NPSR1: variants seen among roughly 807,000 people sequenced by gnomAD.
The protein encoded by NPSR1 is neuropeptide S receptor 1, also known as neuropeptide S receptor.
NPSR1 carries 48 observed loss-of-function variants against 46.9 expected under a neutral mutation model. The observed-to-expected ratio is 1.02, with a 90% CI of 0.81 to 1.30. The LOEUF is 1.30. Among genes scored for constraint, NPSR1 ranks in the 50% most tolerant of loss-of-function variants. The pLI, the probability that NPSR1 is intolerant of heterozygous loss-of-function variation, is 0.00. For missense variants in NPSR1, 450 were observed against 449.5 expected (o/e 1.00, Z -0.01); for synonymous variants, 176 against 168.1 (o/e 1.05, Z -0.36).
intron 1 of NPSR1, among the ~76,000 whole-genome samples, chr7:34,667,922 C>T (rs1258335543): frequency 6.6e-6 from 1 of 151,946 alleles, no homozygotes; most frequent in Non-Finnish European, 1.5e-5. Flanking sequence ...CAAAAAAAAC[C>T]ATTCTAAGTA....
intron 3 of NPSR1, among the ~76,000 whole-genome samples, chr7:34,801,760 GA>G (rs1433876988): frequency 1.3e-5 from 2 of 148,694 alleles, no homozygotes; most frequent in African/African-American, 5.2e-5. Context: ...ATTCAATTAG[GA>G]AAAGAGGAAG....
chr7:34,660,484 C>T (rs757956734), intron 1 of NPSR1, among the ~76,000 whole-genome samples: 2 of 152,176 alleles, frequency 1.3e-5, no homozygotes, highest in Non-Finnish European at 2.9e-5. Context: ...ATCTGACATA[C>T]TTCTAGAGAA....
chr7:34,865,804 T>C (rs1791300802), intron 8 of NPSR1, among the ~76,000 whole-genome samples: 1 of 151,580 alleles, frequency 6.6e-6, no homozygotes, highest in Non-Finnish European at 1.5e-5. Flanking sequence ...TTGACCTCTC[T>C]CCCCACCTGC....
chr7:34,796,103 T>C (rs559972646), intron 3 of NPSR1, among the ~76,000 whole-genome samples: 39 of 152,142 alleles, frequency 2.6e-4, no homozygotes, highest in Non-Finnish European at 4.6e-4. Context: ...GGCAAAAATA[T>C]AGTCAACCAA....
intron 2 of NPSR1, among the ~76,000 whole-genome samples, chr7:34,738,149 G>T (rs962797815): frequency 6.6e-6 from 1 of 152,162 alleles, no homozygotes; most frequent in East Asian, 1.9e-4. Context: ...TCAAATCAAA[G>T]CATCTTGAAC....
At chr7:34,794,455 A>G (rs900309795) in intron 3 of NPSR1, among the ~76,000 whole-genome samples, 2 of 152,190 alleles carry the variant, frequency 1.3e-5, no homozygotes, top group African/African-American at 4.8e-5. Context: ...AGATGGACCA[A>G]TTCCTTGAAA....
intron 4 of NPSR1, among the ~76,000 whole-genome samples, chr7:34,822,521 G>C (rs1001916193): frequency 1.1e-4 from 17 of 152,216 alleles, no homozygotes; most frequent in African/African-American, 4.1e-4. Context: ...AAATGAATAT[G>C]AGAATAATTA....
At chr7:34,834,161 C>T in intron 5 of NPSR1, 1 of 552,388 alleles carries the variant, frequency 1.8e-6, no homozygotes, top group South Asian at 2.6e-5. Flanking sequence ...ATAACTTTAC[C>T]AGGTCTTAGC....
At chr7:34,728,349 G>C (rs1487971655) in intron 2 of NPSR1, among the ~76,000 whole-genome samples, 1 of 152,164 alleles carries the variant, frequency 6.6e-6, no homozygotes, top group Non-Finnish European at 1.5e-5. Flanking sequence ...CTGGGCCAAG[G>C]AGGCATGCTG....
chr7:34,768,070 A>G (rs1786513822), intron 2 of NPSR1, among the ~76,000 whole-genome samples: 1 of 152,168 alleles, frequency 6.6e-6, no homozygotes, highest in Non-Finnish European at 1.5e-5. Flanking sequence ...TTATACTCTG[A>G]TAACTATATG....
At chr7:34,695,253 T>G (rs946107399) in intron 2 of NPSR1, among the ~76,000 whole-genome samples, 2 of 152,128 alleles carry the variant, frequency 1.3e-5, no homozygotes, top group Admixed American at 1.3e-4. Context: ...CTGGGAAAAT[T>G]GGCTAGCCAT....
chr7:34,756,756 T>C (rs1046364947), intron 2 of NPSR1, among the ~76,000 whole-genome samples: 1 of 152,226 alleles, frequency 6.6e-6, no homozygotes, highest in African/African-American at 2.4e-5. Flanking sequence ...CGACCTGAAT[T>C]CAAATCCTCT....
intron 8 of NPSR1, among the ~76,000 whole-genome samples, chr7:34,860,652 C>G (rs1791168887): frequency 6.6e-6 from 1 of 151,666 alleles, no homozygotes; most frequent in Non-Finnish European, 1.5e-5. Context: ...AATATGTGGT[C>G]AGAAAAAAAG....
chr7:34,667,578 C>T (rs557231257), intron 1 of NPSR1, among the ~76,000 whole-genome samples: 25 of 152,224 alleles, frequency 1.6e-4, no homozygotes, highest in African/African-American at 5.5e-4. Flanking sequence ...AGACTCTCCA[C>T]CCACCCAGGC....
chr7:34,845,909 G>A (rs1790726824), intron 7 of NPSR1, among the ~76,000 whole-genome samples: 3 of 152,016 alleles, frequency 2.0e-5, no homozygotes, highest in African/African-American at 7.2e-5. Flanking sequence ...TTGCCCCTCT[G>A]GCAGCTCTTG....
chr7:34,778,960 T>A lies in NPSR1; in HGVS notation c.384+395T>A, dbSNP rs527346292. 5.9e-5 allele frequency among the ~76,000 whole-genome samples: 9 copies of A among 152,318 alleles called. No homozygotes were observed. The South Asian group carries it at 1.9e-3, about 32-fold the overall frequency. ...TTTTTGTAAACCAAGGGGAATTTGT[T>A]GGAACATAACCATTAACTATTGAAT... is the stretch of plus-strand genomic sequence containing the variant. On this transcript the variant is annotated intron_variant, in intron 3 of 8. Coordinates refer to ENST00000360581, the MANE Select transcript of NPSR1 (RefSeq NM_207172.2).
At chr7:34,825,572 C>T (rs1789787944) in intron 4 of NPSR1, among the ~76,000 whole-genome samples, 1 of 152,122 alleles carries the variant, frequency 6.6e-6, no homozygotes, top group Non-Finnish European at 1.5e-5. Context: ...AGATCCTGCC[C>T]CAGACATTTC....
rs377487258 is a variant in NPSR1, at chr7:34,684,721, T to C, written c.280+37T>C. 1.4e-5 allele frequency: 21 copies of C among 1,551,078 alleles called. No individual in the cohort carries two copies. In the African/African-American group the frequency reaches 2.2e-4, roughly 17 times the overall value. On this transcript the variant is annotated intron_variant, in intron 2 of 8. Coordinates refer to ENST00000360581, the MANE Select transcript of NPSR1 (RefSeq NM_207172.2). ...TGCAAGTGAGAGGCAGGAAGCTATA[T>C]GTGAAGTCCCTATGGCTTCCTGCTT...
chr7:34,856,821 C>T (rs941394627), intron 8 of NPSR1, among the ~76,000 whole-genome samples: 1 of 151,538 alleles, frequency 6.6e-6, no homozygotes, highest in Non-Finnish European at 1.5e-5. Context: ...GATAAGGAAA[C>T]TTCATGATTG....
Sources: gnomAD v4.1 joint callset for allele counts (sites outside exome capture counted in the v4.1 genomes callset) on GRCh38, gnomAD v4.1.1 for gene constraint, MANE v1.5 for transcripts, NCBI Gene and HGNC (gene_info 2026-07-23, HGNC 2026-07-21) for gene names.